Variants in DENND4C observed in about 807,000 individuals in gnomAD.
The protein encoded by DENND4C is DENN domain-containing protein 4C.
In DENND4C, 108 loss-of-function variants were observed where a neutral mutation model predicts 203.0. The observed-to-expected ratio is 0.53, with a 90% CI of 0.46 to 0.62. DENND4C has a LOEUF of 0.62. Ranked by LOEUF, DENND4C falls within the 20% of genes least tolerant of loss-of-function variation. The pLI is 0.00. For missense variants in DENND4C, 2,481 were observed against 2,301.2 expected (o/e 1.08, Z -1.60); for synonymous variants, 871 against 792.4 (o/e 1.10, Z -1.67).
chr9:19,347,600 A>G (rs1483184803), intron 23 of DENND4C, among the ~76,000 whole-genome samples: 2 of 152,350 alleles, frequency 1.3e-5, no homozygotes, highest in East Asian at 3.9e-4. Flanking sequence ...TCATATTTAA[A>G]AACTATGCAT....
At chr9:19,270,843 C>T (rs1264295805) in intron 1 of DENND4C, among the ~76,000 whole-genome samples, 1 of 152,174 alleles carries the variant, frequency 6.6e-6, no homozygotes, top group Non-Finnish European at 1.5e-5. Flanking sequence ...CTGATAGAAT[C>T]TACAAAATTG....
intron 16 of DENND4C, among the ~76,000 whole-genome samples, chr9:19,328,613 CAAAA>C (rs1818346195): frequency 6.7e-6 from 1 of 150,182 alleles, no homozygotes; most frequent in South Asian, 2.1e-4. Context: ...AACTCCATCT[CAAAA>C]AAAGTCTATA....
At chr9:19,260,427 T>C (rs1829076147) in intron 1 of DENND4C, among the ~76,000 whole-genome samples, 1 of 136,576 alleles carries the variant, frequency 7.3e-6, no homozygotes, top group Admixed American at 7.4e-5. Flanking sequence ...AGATGGAATC[T>C]TGCTGTGTCA....
chr9:19,328,100 A>G lies in DENND4C; in HGVS notation c.2191A>G (p.Arg731Gly). 6.2e-7 allele frequency: 1 copy of G among 1,613,844 alleles called. No individual in the cohort carries two copies. Among genetic ancestry groups the G allele is most frequent in the Non-Finnish European group, 8.5e-7 (1 of 1,179,858 alleles). ...RPQELKLCFS[R>G]HPTGNSITKS... Reference sequence around the variant, plus strand: ...GCAGGAGTTGAAACTTTGTTTTAGTAGACACCCTACTGGGAATAGCATTAC... The same window carrying G: ...GCAGGAGTTGAAACTTTGTTTTAGTGGACACCCTACTGGGAATAGCATTAC... Residue 731 changes from arginine to glycine, a missense_variant, in exon 16 of 33, where the codon AGA becomes GGA. Physicochemically the swap from Arg to Gly is moderately radical, Grantham distance 125. Coordinates refer to ENST00000434457, the MANE Select transcript of DENND4C (RefSeq NM_001330640.2).
Position 19,286,867 on chromosome 9 carries a change from C to T in DENND4C, c.404C>T (p.Thr135Ile), listed in dbSNP as rs1173119803. 2 of 1,232,034 alleles carry T rather than the reference C, an allele frequency of 1.6e-6. No individual in the cohort carries two copies. The highest frequency in any genetic ancestry group is 4.1e-5 in the South Asian group (1 of 24,328). 76.3% of individuals were successfully genotyped at this position (1,232,034 alleles called of 1,614,324 possible). Reference sequence around the variant, plus strand: ...GCCAATGTCAACAATAGTTCAACTACTTCACAAAGAATCTTTATCACTTAT... The same window carrying T: ...GCCAATGTCAACAATAGTTCAACTATTTCACAAAGAATCTTTATCACTTAT... ...RCANVNNSST[T>I]SQRIFITYRR... The change falls in exon 3 of 33, where the codon ACT (threonine) becomes ATT (isoleucine). Residue 135 changes from threonine (T) to isoleucine (I), a missense_variant. Thr to Ile is a moderately conservative substitution (Grantham distance 89, BLOSUM62 -1). Coordinates refer to ENST00000434457, the MANE Select transcript of DENND4C (RefSeq NM_001330640.2).
intron 1 of DENND4C, among the ~76,000 whole-genome samples, chr9:19,255,837 G>A (rs949161002): frequency 2.0e-5 from 3 of 152,196 alleles, no homozygotes; most frequent in Non-Finnish European, 4.4e-5. Context: ...CATCAAGGAT[G>A]TAGTAGACTT....
At chr9:19,250,132 C>CTAG (rs1437033828) in intron 1 of DENND4C, among the ~76,000 whole-genome samples, 1 of 152,146 alleles carries the variant, frequency 6.6e-6, no homozygotes, top group Non-Finnish European at 1.5e-5. Context: ...ACCTCCATCT[C>CTAG]TACTGTACTA....
chr9:19,239,586 A>G (rs1304918172), intron 1 of DENND4C, among the ~76,000 whole-genome samples: 2 of 152,034 alleles, frequency 1.3e-5, no homozygotes, highest in Non-Finnish European at 2.9e-5. Flanking sequence ...TCCCAGATTC[A>G]AGCAGTTCTC....
chr9:19,353,947 G>A (rs914911011), intron 26 of DENND4C, among the ~76,000 whole-genome samples: 2 of 152,120 alleles, frequency 1.3e-5, no homozygotes, highest in African/African-American at 4.8e-5. Context: ...CTTCAAGGGT[G>A]GAGCTAAGTC....
At chr9:19,343,541 A>G (rs1822142145) in intron 22 of DENND4C, among the ~76,000 whole-genome samples, 1 of 152,120 alleles carries the variant, frequency 6.6e-6, no homozygotes, top group African/African-American at 2.4e-5. Context: ...ATGTAAAAGT[A>G]CTCCTTGTTC....
At chr9:19,251,340 C>G (rs1375468384) in intron 1 of DENND4C, among the ~76,000 whole-genome samples, 1 of 152,204 alleles carries the variant, frequency 6.6e-6, no homozygotes. Context: ...AGTCCCTAGG[C>G]TGCACACAGC....
At chr9:19,338,423 G>C (rs1043189110) in intron 20 of DENND4C, among the ~76,000 whole-genome samples, 1 of 151,900 alleles carries the variant, frequency 6.6e-6, no homozygotes, top group African/African-American at 2.4e-5. Flanking sequence ...AGTAATGCTG[G>C]GTAATTGGTA....
intron 22 of DENND4C, among the ~76,000 whole-genome samples, chr9:19,343,332 T>C (rs1220220491): frequency 6.6e-6 from 1 of 152,230 alleles, no homozygotes; most frequent in East Asian, 1.9e-4. Flanking sequence ...TTTTCTACTT[T>C]CATTATATAT....
chr9:19,286,145 C>A (rs1376409218), intron 2 of DENND4C, among the ~76,000 whole-genome samples: 2 of 152,070 alleles, frequency 1.3e-5, no homozygotes, highest in Non-Finnish European at 2.9e-5. Flanking sequence ...CTTTATTAAT[C>A]TATTTGGGGG....
chr9:19,336,914 G>A (rs1820599371), intron 20 of DENND4C, 82 bp downstream of exon 20: 1 of 1,339,898 alleles, frequency 7.5e-7, no homozygotes. Context: ...TTCCATTCTT[G>A]AGTTTGTGTG....
chr9:19,236,526 T>C (rs1030723836), intron 1 of DENND4C, among the ~76,000 whole-genome samples: 2 of 152,164 alleles, frequency 1.3e-5, no homozygotes, highest in Non-Finnish European at 2.9e-5. Flanking sequence ...ATTAAGACTA[T>C]ATTGTAGAGA....
At chr9:19,233,194 T>A (rs2078537136) in intron 1 of DENND4C, among the ~76,000 whole-genome samples, 1 of 152,200 alleles carries the variant, frequency 6.6e-6, no homozygotes, top group South Asian at 2.1e-4. Context: ...ATAATTTGAA[T>A]TTCCAGTGTA....
chr9:19,278,792 T>C (rs373324294), intron 2 of DENND4C, among the ~76,000 whole-genome samples: 1 of 152,112 alleles, frequency 6.6e-6, no homozygotes, highest in South Asian at 2.1e-4. Context: ...TATAGGGTCA[T>C]TGAGCATATG....
At chr9:19,265,799 CT>C (rs1830376182) in intron 1 of DENND4C, among the ~76,000 whole-genome samples, 1 of 152,192 alleles carries the variant, frequency 6.6e-6, no homozygotes, top group South Asian at 2.1e-4. Flanking sequence ...TTTTTTATGG[CT>C]GCATAGTATT....
Sources: allele counts gnomAD v4.1 joint callset (sites outside exome capture counted in the v4.1 genomes callset), GRCh38; gene constraint gnomAD v4.1.1; transcripts MANE v1.5; gene names NCBI Gene and HGNC (gene_info 2026-07-23, HGNC 2026-07-21).